Variants in C11orf21 observed in about 807,000 individuals in gnomAD.
C11orf21 encodes the protein chromosome 11 open reading frame 21.
In C11orf21, 19 loss-of-function variants were observed where a neutral mutation model predicts 15.2. That is an observed-to-expected ratio of 1.25 (90% CI 0.87 to 1.84). The LOEUF is 1.84. Ranked by LOEUF, C11orf21 falls within the 40% of genes most tolerant of loss-of-function variation. The pLI is 0.00. For synonymous variants in C11orf21, 62 were observed against 66.8 expected (o/e 0.93, Z 0.35); for missense variants, 171 against 174.4 (o/e 0.98, Z 0.11).
At chr11:2,302,158 T>C (rs1482579237), upstream of C11orf21, 14 of 1,442,422 alleles carry the variant, frequency 9.7e-6, 1 homozygote, top group South Asian at 1.6e-4. Context: ...TCATGGGGCC[T>C]TGGAGTCGAG....
chr11:2,302,146 C>G (rs750010162), upstream of C11orf21: 7 of 1,456,164 alleles, frequency 4.8e-6, no homozygotes, highest in Non-Finnish European at 6.4e-6. Context: ...GGAGAGGAAC[C>G]GTCATGGGGC....
upstream of C11orf21, chr11:2,302,888 C>T (rs146480945): frequency 1.4e-4 from 220 of 1,613,694 alleles, 1 homozygote; most frequent in African/African-American, 2.1e-3. Flanking sequence ...TTACCTACTT[C>T]GGGGCCCACT....
At position 2,301,774 on chromosome 11, in the gene C11orf21, C is replaced by G; in HGVS notation, c.35G>C (p.Arg12Pro). 3 of 1,549,884 alleles carry G rather than the reference C, an allele frequency of 1.9e-6. No individual in the cohort carries two copies. Among genetic ancestry groups the G allele is most frequent in the South Asian group, 2.4e-5 (2 of 84,056 alleles). ...GRTWCGMWRR[R>P]RPGRRSAVPR... ...AGCTCACCTCCTCCTCCCCGGGCGC[C>G]GTCTCCTCCACATCCCACACCAGGT... Residue 12 changes from arginine to proline, a missense_variant, in exon 1 of 4, where the codon CGG (arginine) becomes CCG (proline). Transcript: ENST00000381153.
intron 2 of C11orf21, among the ~76,000 whole-genome samples, chr11:2,300,042 C>T (rs1242106478): frequency 7.0e-6 from 1 of 143,464 alleles, no homozygotes; most frequent in East Asian, 2.1e-4. Flanking sequence ...GTCTTCCAGG[C>T]TCCCAGCGGC....
chr11:2,302,754 G>A, upstream of C11orf21: 1 of 1,045,420 alleles, frequency 9.6e-7, no homozygotes, highest in Middle Eastern at 2.1e-4. Flanking sequence ...CCGGGAAGCT[G>A]GAGAGAGCCC....
In C11orf21 at chr11:2,297,287, T is replaced by A. The variant is rs1564948598; in HGVS notation, c.*663A>T. 6.5e-6 allele frequency: 1 copy of A among 152,708 alleles called. No individual in the cohort carries two copies. The highest frequency in any genetic ancestry group is 1.5e-5 in the Non-Finnish European group (1 of 68,404). 9.5% of individuals were successfully genotyped at this position (152,708 alleles called of 1,614,324 possible). ...GTCAGCTCCTGCCTGGGCCCCGGCC[T>A]CTTGCCCCTGTCCCACCTCCCACCT... On this transcript the variant is annotated 3_prime_UTR_variant, in exon 4 of 4. Coordinates refer to ENST00000381153, the MANE Select transcript of C11orf21 (RefSeq NM_001329958.2).
At chr11:2,298,559 C>T (rs1002677466) in intron 3 of C11orf21, among the ~76,000 whole-genome samples, 3 of 152,208 alleles carry the variant, frequency 2.0e-5, no homozygotes, top group African/African-American at 7.2e-5. Flanking sequence ...CCCAGTCCTG[C>T]CCAGGCCCGG....
chr11:2,301,061 G>T (rs1847716948), intron 1 of C11orf21: 6 of 413,168 alleles, frequency 1.5e-5, no homozygotes, highest in Non-Finnish European at 2.2e-5. Context: ...CTGGACGGGG[G>T]TCCTGGTTGT....
chr11:2,300,252 C>CAGGGGTGTGTAAGGTTGGGT lies in C11orf21; in HGVS notation c.147+248_147+267dup, dbSNP rs1337915493. ...GGTGGGCAGGGGTGTGTGGGGTGGG[C>CAGGGGTGTGTAAGGTTGGGT]AGGGGTGTGTAAGGTTGGGTAGGGG... On this transcript the variant is annotated intron_variant, in intron 2 of 3. Coordinates refer to ENST00000381153, the MANE Select transcript of C11orf21 (RefSeq NM_001329958.2). Among the ~76,000 whole-genome samples the CAGGGGTGTGTAAGGTTGGGT allele has an allele frequency of 1.3e-3, 102 of 77,364 alleles. 1 individual carries two copies. The highest frequency in any genetic ancestry group is 0.017 in the Middle Eastern group (2 of 116). The allele number at this position is 77,364 out of a possible 152,430, so 50.8% of individuals were successfully genotyped here. A position where few individuals can be genotyped will look rare whatever the true frequency, so the allele number is the denominator to read the frequency against.
upstream of C11orf21, chr11:2,303,012 G>C: frequency 6.7e-7 from 1 of 1,495,634 alleles, no homozygotes; most frequent in Non-Finnish European, 9.2e-7. Flanking sequence ...TGCAAGGGTG[G>C]CTGGCACGAG....
chr11:2,302,376 C>T (rs894564871), upstream of C11orf21, among the ~76,000 whole-genome samples: 6 of 152,218 alleles, frequency 3.9e-5, no homozygotes, highest in East Asian at 1.9e-4. Context: ...TGCAGACAGC[C>T]GCAGGCAGGC....
upstream of C11orf21, chr11:2,302,355 T>G (rs1478893791): frequency 2.3e-5 from 22 of 975,722 alleles, no homozygotes; most frequent in Non-Finnish European, 2.6e-5. Context: ...TGCAGACATG[T>G]GTCCTGCCCT....
At chr11:2,301,152 C>T (rs544060759) in intron 1 of C11orf21, 8 of 261,614 alleles carry the variant, frequency 3.1e-5, no homozygotes, top group Admixed American at 1.5e-4. Flanking sequence ...CGTTCCTGAG[C>T]GGGCGGCAGC....
At chr11:2,300,722 G>A (rs1301974489) in intron 1 of C11orf21, 109 bp from the exon 2 acceptor site, 13 of 1,550,808 alleles carry the variant, frequency 8.4e-6, no homozygotes, top group Admixed American at 2.0e-5. Context: ...GGTGCTCCAG[G>A]CCCGCCTCAC....
chr11:2,298,791 T>TG lies in C11orf21; in HGVS notation c.*28+636dup, dbSNP rs1217862276. Among the ~76,000 whole-genome samples, 10 of 151,980 alleles carry TG rather than the reference T, an allele frequency of 6.6e-5. No individual in the cohort carries two copies. In the East Asian group the frequency reaches 1.8e-3, roughly 27 times the overall value. ...GTCCCTGGTATCTGTGACGCAGGTG[T>TG]GGGGTCCCTTTAGACTCCCCTGGGA... On this transcript the variant is annotated intron_variant, in intron 3 of 3. Transcript: ENST00000381153.
upstream of C11orf21, chr11:2,303,134 C>T (rs55645818): frequency 2.1e-4 from 128 of 597,834 alleles, no homozygotes; most frequent in African/African-American, 1.9e-3. Flanking sequence ...GGCAGGGCCT[C>T]GGGTCTGGGT....
chr11:2,301,630 T>C, intron 1 of C11orf21, 126 bp downstream of exon 1: 1 of 796,578 alleles, frequency 1.3e-6, no homozygotes, highest in Non-Finnish European at 1.9e-6. Flanking sequence ...CACAGGACAT[T>C]TCAAAGGGTG....
chr11:2,302,927 G>A, upstream of C11orf21: 1 of 1,613,728 alleles, frequency 6.2e-7, no homozygotes, highest in Non-Finnish European at 8.5e-7. Context: ...CGTCCCTGGA[G>A]AAGAACCCGT....
At position 2,301,771 on chromosome 11, in the gene C11orf21, C is replaced by A. The variant is rs765432789; in HGVS notation, c.38G>T (p.Arg13Leu). ...RTWCGMWRRR[R>L]PGRRSAVPRW... ...GGGAGCTCACCTCCTCCTCCCCGGG[C>A]GCCGTCTCCTCCACATCCCACACCA... The change falls in exon 1 of 4, where the codon CGC (arginine) becomes CTC (leucine). Residue 13 changes from arginine (R) to leucine (L), a missense_variant. By Grantham distance (102) the Arg-to-Leu change is moderately radical. Coordinates refer to ENST00000381153, the MANE Select transcript of C11orf21 (RefSeq NM_001329958.2). 2.6e-6 allele frequency: 4 copies of A among 1,549,508 alleles called. No individual in the cohort carries two copies. The East Asian group carries it at 7.3e-5, about 28-fold the overall frequency.
Sources: gnomAD v4.1 joint callset for allele counts (sites outside exome capture counted in the v4.1 genomes callset) on GRCh38, gnomAD v4.1.1 for gene constraint, MANE v1.5 for transcripts, NCBI Gene and HGNC (gene_info 2026-07-23, HGNC 2026-07-21) for gene names.